Variants in PRKG1 observed in about 807,000 individuals in gnomAD.
The protein encoded by PRKG1 is protein kinase cGMP-dependent 1.
In PRKG1, 35 loss-of-function variants were observed where a neutral mutation model predicts 88.1. That is an observed-to-expected ratio of 0.40 (90% CI 0.30 to 0.53). The LOEUF is 0.53. Ranked by LOEUF, PRKG1 falls within the 20% of genes least tolerant of loss-of-function variation. The pLI is 0.59. For missense variants in PRKG1, 540 were observed against 839.8 expected, an observed-to-expected ratio of 0.64 and a Z score of 4.41; for synonymous variants, 303 against 292.5, an observed-to-expected ratio of 1.04 and a Z score of -0.37.
At chr10:51,587,655 A>G (rs1838206689) in intron 3 of PRKG1, among the ~76,000 whole-genome samples, 1 of 152,188 alleles carries the variant, frequency 6.6e-6, no homozygotes, top group South Asian at 2.1e-4. Context: ...GTACACATAT[A>G]TAGCTTGCTT....
intron 2 of PRKG1, among the ~76,000 whole-genome samples, chr10:51,307,723 C>A (rs1375733238): frequency 1.3e-5 from 2 of 152,030 alleles, no homozygotes; most frequent in African/African-American, 4.8e-5. Flanking sequence ...CATAAAACAC[C>A]AGAGACTGAA....
intron 4 of PRKG1, among the ~76,000 whole-genome samples, chr10:51,809,148 A>G (rs1839385602): frequency 6.6e-6 from 1 of 152,076 alleles, no homozygotes. Flanking sequence ...ACTCCCAGTC[A>G]TGTGGTTTGG....
chr10:51,942,100 C>T (rs1373842667), intron 5 of PRKG1, among the ~76,000 whole-genome samples: 1 of 151,938 alleles, frequency 6.6e-6, no homozygotes. Context: ...TCTCCACAAC[C>T]TCTCCAGCAC....
At chr10:51,061,428 A>T (rs566521091) in intron 1 of PRKG1, among the ~76,000 whole-genome samples, 1 of 152,274 alleles carries the variant, frequency 6.6e-6, no homozygotes, top group South Asian at 2.1e-4. Context: ...TTTGGGTGGG[A>T]ACTCAGCCAA....
In PRKG1 at chr10:51,074,563, G is replaced by C. The variant is rs1843896900; in HGVS notation, c.-28G>C. 1 of 1,593,924 alleles carries C rather than the reference G, an allele frequency of 6.3e-7. No homozygotes were observed. The highest frequency in any genetic ancestry group is 8.6e-7 in the Non-Finnish European group (1 of 1,167,306). ...GCCTCAAGACGCGGAGCAGCGGCAG[G>C]AAGGAGCCCCCGGCAGCCCGGAGGA... On this transcript the variant is annotated 5_prime_UTR_variant, in exon 1 of 18. Transcript: ENST00000373980.
chr10:51,404,192 ATAGT>A (rs1196342790), intron 2 of PRKG1, among the ~76,000 whole-genome samples: 1 of 152,212 alleles, frequency 6.6e-6, no homozygotes, highest in Non-Finnish European at 1.5e-5. Context: ...AGTATTTCAG[ATAGT>A]TAGCGTCATT....
At chr10:51,460,227 T>C (rs528423200) in intron 2 of PRKG1, among the ~76,000 whole-genome samples, 1 of 152,240 alleles carries the variant, frequency 6.6e-6, no homozygotes, top group South Asian at 2.1e-4. Flanking sequence ...TGTTACATTA[T>C]ATTACATACT....
intron 3 of PRKG1, among the ~76,000 whole-genome samples, chr10:51,676,515 C>G (rs942423106): frequency 2.0e-5 from 3 of 150,434 alleles, no homozygotes; most frequent in Middle Eastern, 3.5e-3. Flanking sequence ...CCACTGTTAA[C>G]CTGAGCAAAG....
chr10:51,850,708 T>C (rs545992465), intron 4 of PRKG1, among the ~76,000 whole-genome samples: 1 of 152,172 alleles, frequency 6.6e-6, no homozygotes, highest in Admixed American at 6.5e-5. Flanking sequence ...AGAAAGCAGA[T>C]AGTTTTTAAA....
At chr10:51,516,242 C>T (rs185144454) in intron 3 of PRKG1, among the ~76,000 whole-genome samples, 14 of 152,190 alleles carry the variant, frequency 9.2e-5, no homozygotes, top group African/African-American at 3.4e-4. Context: ...AGTCAAGCCA[C>T]CTCTCTGCCT....
chr10:52,008,458 C>T (rs1199534084), intron 5 of PRKG1, among the ~76,000 whole-genome samples: 4 of 152,042 alleles, frequency 2.6e-5, no homozygotes, highest in Non-Finnish European at 5.9e-5. Context: ...ACTGACCTCA[C>T]AGAAATACAG....
intron 1 of PRKG1, among the ~76,000 whole-genome samples, chr10:51,016,180 C>T (rs1363064527): frequency 6.6e-6 from 1 of 152,160 alleles, no homozygotes; most frequent in African/African-American, 2.4e-5. Context: ...TGGCAGGGAA[C>T]AGGATACAGG....
intron 2 of PRKG1, among the ~76,000 whole-genome samples, chr10:51,324,345 G>T (rs887530564): frequency 1.3e-5 from 2 of 152,068 alleles, no homozygotes; most frequent in African/African-American, 4.8e-5. Context: ...AAGGAAACAT[G>T]TGATGTTTGT....
At chr10:51,151,572 T>G (rs1846073565) in intron 1 of PRKG1, among the ~76,000 whole-genome samples, 1 of 150,484 alleles carries the variant, frequency 6.6e-6, no homozygotes. Context: ...TGTTTTTGTT[T>G]TTTTTTTTTA....
chr10:52,114,448 C>T (rs1015065687), intron 7 of PRKG1, among the ~76,000 whole-genome samples: 7 of 151,624 alleles, frequency 4.6e-5, no homozygotes, highest in East Asian at 1.9e-4. Flanking sequence ...TAGTTCTTTT[C>T]GTTCTTTTTT....
In PRKG1 at chr10:51,182,897, A is replaced by T. The variant is rs534174919; in HGVS notation, c.478+29567A>T. Among the ~76,000 whole-genome samples, 24 of 152,282 alleles carry T rather than the reference A, an allele frequency of 1.6e-4. No homozygotes were observed. The South Asian group carries it at 4.8e-3, about 30-fold the overall frequency. Reference sequence around the variant, plus strand: ...CTTTGTTTTATCCTTGCTCCTGGGAATGGGCAGTCCTGGCATGAAAGGGTT... The same window carrying T: ...CTTTGTTTTATCCTTGCTCCTGGGATTGGGCAGTCCTGGCATGAAAGGGTT... On this transcript the variant is annotated intron_variant, in intron 2 of 17. Coordinates refer to ENST00000373980, the MANE Select transcript of PRKG1 (RefSeq NM_006258.4).
intron 3 of PRKG1, among the ~76,000 whole-genome samples, chr10:51,517,570 T>G (rs1236944278): frequency 1.3e-5 from 2 of 152,234 alleles, no homozygotes; most frequent in African/African-American, 4.8e-5. Flanking sequence ...AGAAAGGCAT[T>G]GACATTTTCC....
At chr10:51,004,758 A>T (rs532322470) in intron 1 of PRKG1, among the ~76,000 whole-genome samples, 3 of 152,282 alleles carry the variant, frequency 2.0e-5, no homozygotes, top group African/African-American at 7.2e-5. Context: ...TGAAAAAAAA[A>T]ATTAATTGCT....
At chr10:51,716,287 C>G in intron 3 of PRKG1, among the ~76,000 whole-genome samples, 1 of 152,172 alleles carries the variant, frequency 6.6e-6, no homozygotes, top group East Asian at 1.9e-4. Context: ...CAGTCCGTCA[C>G]CCCTGTTTTT....
Sources: gnomAD v4.1 joint callset for allele counts (sites outside exome capture counted in the v4.1 genomes callset) on GRCh38, gnomAD v4.1.1 for gene constraint, MANE v1.5 for transcripts, NCBI Gene and HGNC (gene_info 2026-07-23, HGNC 2026-07-21) for gene names.